PGAP4: variants seen among roughly 807,000 people sequenced by gnomAD.
PGAP4 encodes the protein GPI-N-acetylgalactosamine transferase PGAP4.
Under a neutral mutation model 28.2 loss-of-function variants are expected in PGAP4, and 12 were observed. That is an observed-to-expected ratio of 0.42 (90% CI 0.27 to 0.69). The LOEUF is 0.69. Ranked by LOEUF, PGAP4 falls within the 30% of genes least tolerant of loss-of-function variation. PGAP4 has a pLI of 0.22. For synonymous variants in PGAP4, 205 were observed against 211.8 expected (o/e 0.97, Z 0.28); for missense variants, 425 against 513.5 (o/e 0.83, Z 1.67).
chr9:101,481,614 CTG>C (rs1417542965), intron 1 of PGAP4: 3 of 152,120 alleles, frequency 2.0e-5, no homozygotes. Flanking sequence ...GACACAGACT[CTG>C]AGAAATGAAC....
Position 101,476,347 on chromosome 9 carries a change from T to C in PGAP4, c.746A>G (p.Glu249Gly). The stretch of plus-strand genomic sequence containing the variant: ...TGGATTGATGTAGTGCTGGAGCCTC[T>C]CGGGGTGATACAGCTTGAGATAAAG... The part of the protein sequence containing the change: ...DALYLKLYHP[E>G]RLQHYINPEP... The change falls in exon 2 of 2, where the codon GAG (glutamate) becomes GGG (glycine). Residue 249 changes from glutamate to glycine, a missense_variant. Transcript: ENST00000374848. This position sits in a 1 kb window ranked among gnomAD's most constrained non-coding sequence, Gnocchi z 7.0. 6.2e-7 allele frequency: 1 copy of C among 1,613,934 alleles called. No individual in the cohort carries two copies. Among genetic ancestry groups the C allele is most frequent in the Non-Finnish European group, 8.5e-7 (1 of 1,179,986 alleles).
intron 2 of PGAP4, among the ~76,000 whole-genome samples, chr9:101,515,362 C>G (rs1262769012): frequency 6.6e-6 from 1 of 152,078 alleles, no homozygotes; most frequent in Non-Finnish European, 1.5e-5. Context: ...TAGTGCCCAC[C>G]CAGATAATTC....
chr9:101,518,562 C>A (rs555724317), intron 2 of PGAP4, among the ~76,000 whole-genome samples: 1 of 152,134 alleles, frequency 6.6e-6, no homozygotes, highest in African/African-American at 2.4e-5. Context: ...TATTCTCATA[C>A]GATGTTTGGT....
chr9:101,482,385 G>T (rs576715384), intron 1 of PGAP4, among the ~76,000 whole-genome samples: 7 of 152,326 alleles, frequency 4.6e-5, no homozygotes, highest in African/African-American at 1.7e-4. Context: ...GTCGGAGGTT[G>T]CAGTGAGCCA....
intron 2 of PGAP4, among the ~76,000 whole-genome samples, chr9:101,497,548 A>AAC (rs1554709380): frequency 4.0e-5 from 6 of 151,612 alleles, no homozygotes; most frequent in Non-Finnish European, 8.9e-5. Context: ...CTGACACCTT[A>AAC]ATATATATAA....
intron 2 of PGAP4, among the ~76,000 whole-genome samples, chr9:101,523,889 G>A (rs1490957893): frequency 6.6e-6 from 1 of 151,800 alleles, no homozygotes; most frequent in African/African-American, 2.4e-5. Flanking sequence ...GGTCTAGGGT[G>A]GAAGGCTATT....
chr9:101,504,048 A>G (rs1826826385), intron 2 of PGAP4, among the ~76,000 whole-genome samples: 2 of 151,860 alleles, frequency 1.3e-5, no homozygotes, highest in East Asian at 1.9e-4. Context: ...TTTTTTTTCT[A>G]AAAAAGTGGG....
At position 101,498,084 on chromosome 9, in the gene PGAP4, G is replaced by A. The variant is rs367924407; in HGVS notation, c.-164-8884C>T. Among the ~76,000 whole-genome samples the A allele has an allele frequency of 4.4e-4, 67 of 151,772 alleles. 1 individual carries two copies. The highest frequency in any genetic ancestry group is 1.4e-3 in the African/African-American group (56 of 41,462). On this transcript the variant is annotated intron_variant, in intron 2 of 3. Transcript: ENST00000374851. ...TGTGGACCAAAATTTTGAGTAAAGC[G>A]TTTTTCAGGGCAGTTTGATTTTTAA...
At chr9:101,523,950 C>G (rs1004752752) in intron 2 of PGAP4, among the ~76,000 whole-genome samples, 31 of 151,842 alleles carry the variant, frequency 2.0e-4, no homozygotes, top group African/African-American at 7.0e-4. Flanking sequence ...GTACTCTCCC[C>G]CTTTTCCTAT....
chr9:101,492,533 G>A (rs1036321268), intron 2 of PGAP4, among the ~76,000 whole-genome samples: 1 of 152,022 alleles, frequency 6.6e-6, no homozygotes, highest in Non-Finnish European at 1.5e-5. Flanking sequence ...AATAAATTTG[G>A]TTAAGACTGG....
chr9:101,514,457 T>G (rs1464272272), intron 2 of PGAP4, among the ~76,000 whole-genome samples: 1 of 152,192 alleles, frequency 6.6e-6, no homozygotes, highest in African/African-American at 2.4e-5. Flanking sequence ...ATTTTATAAG[T>G]CAGATTAAAC....
intron 2 of PGAP4, among the ~76,000 whole-genome samples, chr9:101,503,481 T>TA (rs1399059668): frequency 2.0e-5 from 3 of 152,100 alleles, no homozygotes; most frequent in African/African-American, 7.2e-5. Context: ...AGGTTATAAT[T>TA]TTCATGTTGG....
intron 2 of PGAP4, chr9:101,501,763 A>AATTGGG (rs1826803126): frequency 1.9e-6 from 1 of 518,722 alleles, no homozygotes; most frequent in African/African-American, 1.9e-5. Flanking sequence ...TGTCCCAACT[A>AATTGGG]ACATCTGGAT....
chr9:101,529,761 A>T (rs538366058), intron 2 of PGAP4, among the ~76,000 whole-genome samples: 176 of 152,194 alleles, frequency 1.2e-3, no homozygotes, highest in Non-Finnish European at 9.3e-4. Flanking sequence ...AGGTGAGGAC[A>T]AGAGGAGGGG....
intron 2 of PGAP4, among the ~76,000 whole-genome samples, chr9:101,519,325 T>G (rs796391935): frequency 2.0e-5 from 3 of 152,128 alleles, no homozygotes; most frequent in African/African-American, 7.2e-5. Flanking sequence ...GCCCAGCTAA[T>G]TTTTTTGTAT....
chr9:101,523,102 A>G (rs1037732172), intron 2 of PGAP4, among the ~76,000 whole-genome samples: 3 of 152,150 alleles, frequency 2.0e-5, no homozygotes, highest in Admixed American at 6.5e-5. Context: ...TCTGCTGTTA[A>G]TCTGATAGGT....
chr9:101,510,983 T>C (rs972677756), intron 2 of PGAP4, among the ~76,000 whole-genome samples: 2 of 152,192 alleles, frequency 1.3e-5, no homozygotes, highest in Non-Finnish European at 2.9e-5. Context: ...TTATGGTCTC[T>C]GTGCAGTCAA....
chr9:101,495,024 AT>A (rs1390080224), intron 2 of PGAP4, among the ~76,000 whole-genome samples: 2 of 146,296 alleles, frequency 1.4e-5, no homozygotes. Context: ...TTTTTGGAAC[AT>A]TTATATCAAT....
At chr9:101,477,938 G>A (rs1168125573) in intron 1 of PGAP4, among the ~76,000 whole-genome samples, 1 of 152,032 alleles carries the variant, frequency 6.6e-6, no homozygotes, top group Non-Finnish European at 1.5e-5. Context: ...GAAAGGCAGA[G>A]GTGAATATGG....
Sources: gnomAD v4.1 joint callset for allele counts (sites outside exome capture counted in the v4.1 genomes callset) on GRCh38, gnomAD v4.1.1 for gene constraint, Gnocchi (gnomAD v3.1) non-coding constraint, MANE v1.5 for transcripts, NCBI Gene and HGNC (gene_info 2026-07-23, HGNC 2026-07-21) for gene names.